Variants in INSC observed in about 807,000 individuals in gnomAD.
The protein encoded by INSC is protein inscuteable homolog.
Under a neutral mutation model 58.6 loss-of-function variants are expected in INSC, and 67 were observed. The ratio of observed to expected loss-of-function variants is 1.14; its 90% CI spans 0.94 to 1.40. The LOEUF (loss-of-function observed/expected upper bound fraction) is 1.40, where lower values mean the gene tolerates loss of function less well. INSC is among the 40% of genes most tolerant of loss of function. The pLI, the probability that INSC is intolerant of heterozygous loss-of-function variation, is 0.00. For synonymous variants in INSC, 262 were observed against 276.1 expected (o/e 0.95, Z 0.51); for missense variants, 714 against 692.0 (o/e 1.03, Z -0.36).
At chr11:15,194,782 CTTTAAG>C (rs1850310802) in intron 6 of INSC, among the ~76,000 whole-genome samples, 1 of 152,198 alleles carries the variant, frequency 6.6e-6, no homozygotes, top group South Asian at 2.1e-4. Flanking sequence ...ACCCCAGCCT[CTTTAAG>C]TTTAATTCAG....
intron 1 of INSC, among the ~76,000 whole-genome samples, chr11:15,143,598 G>A (rs993499924): frequency 4.6e-5 from 7 of 152,198 alleles, no homozygotes; most frequent in Admixed American, 2.6e-4. Flanking sequence ...ATTTTAAACA[G>A]TGAGTTGATG....
At chr11:15,154,510 C>T (rs1270085124) in intron 2 of INSC, among the ~76,000 whole-genome samples, 1 of 152,168 alleles carries the variant, frequency 6.6e-6, no homozygotes, top group Non-Finnish European at 1.5e-5. Context: ...TTGTTTCCTT[C>T]TAATGAAGAA....
intron 6 of INSC, among the ~76,000 whole-genome samples, chr11:15,199,835 C>T (rs555469757): frequency 1.5e-4 from 23 of 152,240 alleles, no homozygotes; most frequent in African/African-American, 4.6e-4. Context: ...CTGGGCAAAG[C>T]GAGATGTGGG....
At chr11:15,178,275 T>G (rs766491356) in intron 4 of INSC, 49 bp from the exon 5 acceptor site, 42 of 1,609,112 alleles carry the variant, frequency 2.6e-5, no homozygotes, top group Non-Finnish European at 3.5e-5. Context: ...ATTTCTGGGC[T>G]GACCACATGC....
At chr11:15,214,399 C>T (rs1851137595) in intron 7 of INSC, among the ~76,000 whole-genome samples, 1 of 152,152 alleles carries the variant, frequency 6.6e-6, no homozygotes, top group African/African-American at 2.4e-5. Context: ...AATCCAGAAA[C>T]CAACTCTACC....
At chr11:15,146,948 C>T (rs1476599672) in intron 1 of INSC, among the ~76,000 whole-genome samples, 2 of 152,100 alleles carry the variant, frequency 1.3e-5, no homozygotes, top group Admixed American at 1.3e-4. Context: ...CCTACAGTTT[C>T]CTCTTGGTTC....
chr11:15,176,425 G>A (rs960947803), intron 3 of INSC, among the ~76,000 whole-genome samples: 3 of 152,062 alleles, frequency 2.0e-5, no homozygotes, highest in Non-Finnish European at 4.4e-5. Flanking sequence ...ACCTCAGCAA[G>A]TTACTTAACT....
chr11:15,179,773 T>C (rs1374624582), intron 5 of INSC, among the ~76,000 whole-genome samples: 1 of 152,046 alleles, frequency 6.6e-6, no homozygotes. Flanking sequence ...AACCATCAAG[T>C]CCAGAGGGAC....
At chr11:15,262,270 T>G in the INSC span, among the ~76,000 whole-genome samples, 2 of 152,048 alleles carry the variant, frequency 1.3e-5, no homozygotes, top group Non-Finnish European at 2.9e-5. Context: ...TACAACATCT[T>G]ATTAAAGACT....
chr11:15,158,860 G>GTTTTTTTTTTTTTTTTTTTTTTTTTT (rs529518368), intron 2 of INSC, among the ~76,000 whole-genome samples: 1 of 109,706 alleles, frequency 9.1e-6, no homozygotes, highest in Non-Finnish European at 1.8e-5. Flanking sequence ...ATTGTTGGTG[G>GTTTTTTTTTTTTTTTTTTTTTTTTTT]TTTTTTTTTT....
intron 9 of INSC, among the ~76,000 whole-genome samples, chr11:15,229,979 TTATATATA>T (rs1194544781): frequency 0.011 from 347 of 32,804 alleles, 3 homozygotes; most frequent in Middle Eastern, 0.04. Context: ...TATATATATA[TTATATATA>T]TATATATATA....
chr11:15,259,220 T>G, the INSC span, among the ~76,000 whole-genome samples: 1 of 152,298 alleles, frequency 6.6e-6, no homozygotes, highest in African/African-American at 2.4e-5. Flanking sequence ...GTTTGGGGCT[T>G]GTTGGATACA....
At chr11:15,265,500 T>C in the INSC span, among the ~76,000 whole-genome samples, 1 of 152,000 alleles carries the variant, frequency 6.6e-6, no homozygotes, top group Non-Finnish European at 1.5e-5. Flanking sequence ...TTCACCTTTT[T>C]TTTTTCTAGA....
At chr11:15,194,596 G>C (rs1276775086) in intron 6 of INSC, among the ~76,000 whole-genome samples, 1 of 152,200 alleles carries the variant, frequency 6.6e-6, no homozygotes, top group Non-Finnish European at 1.5e-5. Flanking sequence ...AATAGCAATA[G>C]CTAACATTTG....
At chr11:15,181,228 A>G (rs1590409357) in intron 5 of INSC, among the ~76,000 whole-genome samples, 2 of 152,360 alleles carry the variant, frequency 1.3e-5, no homozygotes, top group East Asian at 3.9e-4. Context: ...TCTAGTGACT[A>G]GAACAGTATC....
At chr11:15,138,762 G>C (rs1317946509) in intron 1 of INSC, among the ~76,000 whole-genome samples, 1 of 152,130 alleles carries the variant, frequency 6.6e-6, no homozygotes, top group East Asian at 1.9e-4. Context: ...TATCATGCAG[G>C]CTACATCATC....
chr11:15,161,038 T>G (rs1590379545), intron 2 of INSC, among the ~76,000 whole-genome samples: 1 of 152,376 alleles, frequency 6.6e-6, no homozygotes, highest in African/African-American at 2.4e-5. Flanking sequence ...AGAGATAGTT[T>G]CTTTCATAGT....
intron 1 of INSC, among the ~76,000 whole-genome samples, chr11:15,129,526 T>C (rs757044108): frequency 3.9e-5 from 6 of 152,254 alleles, no homozygotes; most frequent in Non-Finnish European, 7.3e-5. Flanking sequence ...GCATGAATTA[T>C]CTATTAACTT....
chr11:15,142,778 A>G (rs1356158519), intron 1 of INSC, among the ~76,000 whole-genome samples: 3 of 152,058 alleles, frequency 2.0e-5, no homozygotes, highest in Admixed American at 6.5e-5. Context: ...AGTGGATATT[A>G]GGATGCAGAG....
Sources: gnomAD v4.1 joint callset for allele counts (sites outside exome capture counted in the v4.1 genomes callset) on GRCh38, gnomAD v4.1.1 for gene constraint, MANE v1.5 for transcripts, NCBI Gene and HGNC (gene_info 2026-07-23, HGNC 2026-07-21) for gene names.